ENTHD1: variants seen among roughly 807,000 people sequenced by gnomAD.
ENTHD1 encodes ENTH domain-containing protein 1.
In ENTHD1, 23 loss-of-function variants were observed where a neutral mutation model predicts 39.1. The ratio of observed to expected loss-of-function variants is 0.59; its 90% CI spans 0.42 to 0.83. The LOEUF is 0.83. Ranked by LOEUF, ENTHD1 falls within the 40% of genes least tolerant of loss-of-function variation. ENTHD1 has a pLI of 0.00. For synonymous variants in ENTHD1, 230 were observed against 258.2 expected (o/e 0.89, Z 1.05); for missense variants, 624 against 705.4 (o/e 0.88, Z 1.31).
At chr22:39,878,273 C>T (rs966633724) in intron 2 of ENTHD1, among the ~76,000 whole-genome samples, 5 of 151,970 alleles carry the variant, frequency 3.3e-5, no homozygotes, top group Admixed American at 6.6e-5. Flanking sequence ...AGAGAAAAAC[C>T]GAATGACAAC....
chr22:39,803,170 C>T (rs1048558575), intron 5 of ENTHD1, among the ~76,000 whole-genome samples: 4 of 152,138 alleles, frequency 2.6e-5, no homozygotes, highest in Admixed American at 6.5e-5. Flanking sequence ...CCCTGCCTGT[C>T]TTTCTCTGAT....
At position 39,797,266 on chromosome 22, in the gene ENTHD1, C is replaced by T. The variant is rs571674148; in HGVS notation, c.832+23727G>A. On this transcript the variant is annotated intron_variant, in intron 5 of 6. Transcript: ENST00000325157. ...GTCTTTACAGGTAAAGTGAGTTTAT[C>T]GTAGGCAGCATATAGTTGGTTCTGG... Among the ~76,000 whole-genome samples, 573 of 152,272 alleles carry T rather than the reference C, an allele frequency of 3.8e-3. 6 individuals are homozygous for T. Among genetic ancestry groups the T allele is most frequent in the African/African-American group, 0.012 (501 of 41,556 alleles).
At chr22:39,799,569 A>T (rs561092962) in intron 5 of ENTHD1, among the ~76,000 whole-genome samples, 3 of 152,328 alleles carry the variant, frequency 2.0e-5, no homozygotes, top group African/African-American at 7.2e-5. Flanking sequence ...ACCTCAAAAA[A>T]ATTGAATACC....
At chr22:39,812,613 G>C (rs2065698459) in intron 5 of ENTHD1, among the ~76,000 whole-genome samples, 1 of 152,178 alleles carries the variant, frequency 6.6e-6, no homozygotes, top group African/African-American at 2.4e-5. Context: ...TAGCAAGGAT[G>C]ACCTCAACAG....
At chr22:39,784,714 TG>T (rs1287838082) in intron 5 of ENTHD1, among the ~76,000 whole-genome samples, 1 of 152,080 alleles carries the variant, frequency 6.6e-6, no homozygotes, top group African/African-American at 2.4e-5. Flanking sequence ...CACTCATATG[TG>T]GGAACTAAAA....
rs558261972 is a variant in ENTHD1 at position 39,814,308 on chromosome 22, A to T, written c.832+6685T>A. Among the ~76,000 whole-genome samples the T allele has an allele frequency of 2.0e-3, 305 of 151,894 alleles. 1 individual carries two copies. The highest frequency in any genetic ancestry group is 2.9e-3 in the Non-Finnish European group (195 of 67,948). On this transcript the variant is annotated intron_variant, in intron 5 of 6. Transcript: ENST00000325157. ...ACCCCATCTCTACAAAAAAAAAAAA[A>T]AAATAACCAGGTGTGGTGGTGTGAG...
chr22:39,753,519 G>A (rs2065162505), intron 6 of ENTHD1, among the ~76,000 whole-genome samples: 1 of 152,154 alleles, frequency 6.6e-6, no homozygotes, highest in African/African-American at 2.4e-5. Flanking sequence ...TGATAGTTGA[G>A]ATCCACTAAA....
chr22:39,892,794 G>A (rs907709504), intron 1 of ENTHD1, among the ~76,000 whole-genome samples: 2 of 152,166 alleles, frequency 1.3e-5, no homozygotes, highest in African/African-American at 4.8e-5. Context: ...CTATAGACAT[G>A]AGTTTGACTC....
At position 39,887,810 on chromosome 22, in the gene ENTHD1, C is replaced by A; in HGVS notation, c.-62G>T. ...AGCAATGGAATAACAGTTTATGTCA[C>A]GGGTTTATAAAACTCTTGACAGGTA... On this transcript the variant is annotated 5_prime_UTR_variant, in exon 2 of 7. Transcript: ENST00000325157. 7.9e-7 allele frequency: 1 copy of A among 1,271,820 alleles called. No homozygotes were observed. Among genetic ancestry groups the A allele is most frequent in the Non-Finnish European group, 1.1e-6 (1 of 925,092 alleles). The allele number at this position is 1,271,820 out of a possible 1,614,324, so 78.8% of individuals were successfully genotyped here. A position where few individuals can be genotyped will look rare whatever the true frequency, so the allele number is the denominator to read the frequency against.
chr22:39,792,107 T>C (rs1237888502), intron 5 of ENTHD1, among the ~76,000 whole-genome samples: 2 of 152,238 alleles, frequency 1.3e-5, no homozygotes, highest in South Asian at 2.1e-4. Context: ...ATGGTGTATA[T>C]GTACCACATT....
chr22:39,866,721 A>G (rs968080602), intron 2 of ENTHD1, among the ~76,000 whole-genome samples: 25 of 152,150 alleles, frequency 1.6e-4, no homozygotes, highest in Admixed American at 1.4e-3. Flanking sequence ...ACAGTACCTT[A>G]CCCTTGTCCT....
At chr22:39,857,685 T>A (rs530884465) in intron 3 of ENTHD1, among the ~76,000 whole-genome samples, 3 of 152,142 alleles carry the variant, frequency 2.0e-5, no homozygotes, top group South Asian at 2.1e-4. Context: ...GGTTCCAGAT[T>A]ACTGCAATAA....
chr22:39,804,452 CAAAAAAA>C (rs541007024), intron 5 of ENTHD1, among the ~76,000 whole-genome samples: 3 of 78,062 alleles, frequency 3.8e-5, no homozygotes, highest in Non-Finnish European at 8.2e-5. Context: ...GACTCTGTCT[CAAAAAAA>C]AAAAAAAAAA....
At chr22:39,877,929 G>GA (rs1400442567) in intron 2 of ENTHD1, among the ~76,000 whole-genome samples, 4 of 152,094 alleles carry the variant, frequency 2.6e-5, no homozygotes, top group South Asian at 2.1e-4. Context: ...ATACTAAAAG[G>GA]AAAAAATCAC....
chr22:39,879,237 C>T (rs991458722), intron 2 of ENTHD1, among the ~76,000 whole-genome samples: 10 of 151,486 alleles, frequency 6.6e-5, no homozygotes, highest in South Asian at 2.1e-4. Context: ...CTGAGGCGGG[C>T]GGATCACGAG....
chr22:39,875,529 A>T, intron 2 of ENTHD1: 1 of 1,608,692 alleles, frequency 6.2e-7, no homozygotes, highest in Non-Finnish European at 8.5e-7. Context: ...TGTTATTCCC[A>T]CACAGACGTC....
intron 5 of ENTHD1, among the ~76,000 whole-genome samples, chr22:39,781,526 G>C (rs1384456131): frequency 6.6e-6 from 1 of 152,092 alleles, no homozygotes; most frequent in Non-Finnish European, 1.5e-5. Context: ...TAAGAAGGAA[G>C]TCTATAGCAA....
At chr22:39,812,680 C>G (rs775499873) in intron 5 of ENTHD1, among the ~76,000 whole-genome samples, 3 of 152,200 alleles carry the variant, frequency 2.0e-5, no homozygotes, top group Admixed American at 2.0e-4. Flanking sequence ...GCCACAGATG[C>G]GGAGCATCCA....
At chr22:39,781,006 A>T (rs1749348697) in intron 5 of ENTHD1, among the ~76,000 whole-genome samples, 1 of 152,056 alleles carries the variant, frequency 6.6e-6, no homozygotes, top group African/African-American at 2.4e-5. Flanking sequence ...CTCAAAAAAA[A>T]AAAAGCAAAC....
Sources: allele counts gnomAD v4.1 joint callset (sites outside exome capture counted in the v4.1 genomes callset), GRCh38; gene constraint gnomAD v4.1.1; transcripts MANE v1.5; gene names NCBI Gene and HGNC (gene_info 2026-07-23, HGNC 2026-07-21).